The following FAM13A variants were observed in gnomAD, a reference collection of about 807,000 sequenced individuals.
The protein encoded by FAM13A is protein FAM13A.
A neutral mutation model predicts 129.6 loss-of-function variants in FAM13A; 76 were observed. The observed-to-expected ratio is 0.59, with a 90% CI of 0.49 to 0.71. The LOEUF is 0.71. Among genes scored for constraint, FAM13A ranks in the 30% least tolerant of loss-of-function variants. The pLI, the probability that FAM13A is intolerant of heterozygous loss-of-function variation, is 0.00. For synonymous variants in FAM13A, 443 were observed against 449.9 expected (o/e 0.98, Z 0.20); for missense variants, 1,108 against 1,249.3 (o/e 0.89, Z 1.70).
At chr4:88,973,019 A>C (rs1760345460) in intron 4 of FAM13A, among the ~76,000 whole-genome samples, 1 of 152,212 alleles carries the variant, frequency 6.6e-6, no homozygotes. Context: ...GTTTCAGAGA[A>C]GTCAGATGTA....
Position 88,731,442 on chromosome 4 carries a change from A to C in FAM13A, c.2844-14T>G. The C allele has an allele frequency of 6.9e-7, 1 of 1,445,454 alleles. No homozygotes were observed. Among genetic ancestry groups the C allele is most frequent in the Non-Finnish European group, 9.6e-7 (1 of 1,046,130 alleles). 89.5% of individuals were successfully genotyped at this position (1,445,454 alleles called of 1,614,324 possible). ...AGGAGTTCAGGTCTAAGAGAGAGGAAGCATTGCAAGGAAATTAAGTTAAAT... is the reference window on the plus strand; with the variant it reads ...AGGAGTTCAGGTCTAAGAGAGAGGACGCATTGCAAGGAAATTAAGTTAAAT... On this transcript the variant is annotated splice_polypyrimidine_tract_variant and intron_variant, in intron 22 of 23. Coordinates refer to ENST00000264344, the MANE Select transcript of FAM13A (RefSeq NM_014883.4).
chr4:88,921,172 C>A (rs1216024250), intron 5 of FAM13A, among the ~76,000 whole-genome samples: 12 of 151,890 alleles, frequency 7.9e-5, no homozygotes, highest in Admixed American at 2.0e-4. Flanking sequence ...CAAGGCAGGC[C>A]AACATTCAGA....
chr4:88,754,852 C>T (rs1337456670), intron 14 of FAM13A, among the ~76,000 whole-genome samples: 1 of 152,110 alleles, frequency 6.6e-6, no homozygotes, highest in African/African-American at 2.4e-5. Flanking sequence ...TTAATAGCTC[C>T]ATTTAAATCA....
Position 88,728,366 on chromosome 4 carries a change from T to C in FAM13A, c.*167A>G. 1 of 758,978 alleles carries C rather than the reference T, an allele frequency of 1.3e-6. No homozygotes were observed. Among genetic ancestry groups the C allele is most frequent in the Non-Finnish European group, 2.1e-6 (1 of 476,518 alleles). 47.0% of individuals were successfully genotyped at this position (758,978 alleles called of 1,614,324 possible). ...GGTCACATTGTCTTCTTCCAGCCAG[T>C]TTCTAAGGCAGGCAATGGAAACAGG... is the stretch of plus-strand genomic sequence containing the variant. On this transcript the variant is annotated 3_prime_UTR_variant, in exon 24 of 24. Transcript: ENST00000264344.
intron 4 of FAM13A, among the ~76,000 whole-genome samples, chr4:88,982,045 G>A (rs1297452441): frequency 1.3e-5 from 2 of 152,210 alleles, no homozygotes; most frequent in Non-Finnish European, 2.9e-5. Flanking sequence ...GCATTCCCAA[G>A]GCAGGAGAAA....
Position 88,823,092 on chromosome 4 carries a change from G to T in FAM13A, c.1008-18040C>A, listed in dbSNP as rs575322051. ...TGTACAGTGAACGTCTTCTTACAGTGGCTAAGCTGGGTTGGGGGCATGAGG... is the reference window on the plus strand; with the variant it reads ...TGTACAGTGAACGTCTTCTTACAGTTGCTAAGCTGGGTTGGGGGCATGAGG... On this transcript the variant is annotated intron_variant, in intron 7 of 23. Coordinates refer to ENST00000264344, the MANE Select transcript of FAM13A (RefSeq NM_014883.4). 1.5e-5 allele frequency: 24 copies of T among 1,589,634 alleles called. No individual in the cohort carries two copies. The Admixed American group carries it at 2.0e-4, about 13-fold the overall frequency.
intron 5 of FAM13A, among the ~76,000 whole-genome samples, chr4:88,922,676 G>T (rs1434997376): frequency 3.9e-5 from 6 of 152,120 alleles, no homozygotes; most frequent in Admixed American, 3.9e-4. Flanking sequence ...TCAAAAGCTA[G>T]CAGAAGGCAA....
chr4:88,827,091 T>TTACCACTTTTCCAA, intron 7 of FAM13A, among the ~76,000 whole-genome samples: 1 of 152,308 alleles, frequency 6.6e-6, no homozygotes, highest in African/African-American at 2.4e-5. Context: ...ACTTCGACCT[T>TTACCACTTTTCCAA]TACCACTTTT....
chr4:88,866,413 C>T (rs1443617913), intron 6 of FAM13A, among the ~76,000 whole-genome samples: 1 of 152,106 alleles, frequency 6.6e-6, no homozygotes, highest in African/African-American at 2.4e-5. Context: ...AACTCCTGAC[C>T]TCAAGTTCAG....
chr4:89,033,995 A>C (rs1014438866), intron 1 of FAM13A, among the ~76,000 whole-genome samples: 1 of 152,218 alleles, frequency 6.6e-6, no homozygotes, highest in Non-Finnish European at 1.5e-5. Context: ...AACCCTAGGA[A>C]ATATCCTTGC....
rs1483380003 is a variant in FAM13A, at chr4:88,732,192, C to T, written c.2653G>A (p.Glu885Lys). The change falls in exon 22 of 24, where the codon GAG (glutamate) becomes AAG (lysine). Residue 885 changes from glutamate (E) to lysine (K), a missense_variant. Glu to Lys is a moderately conservative substitution (Grantham distance 56). Around this residue, in one of 3 missense-constraint regions of FAM13A, gnomAD observed 529 missense variants for 621.2 expected, o/e 0.85. Transcript: ENST00000264344. ...ASFFKEIKEE[E>K]EGSEDDSNVK... ...TTGCTATCGTCTTCTGACCCCTCCT[C>T]TTCTTCCTGGAGATACACAGCAACC... 1.9e-6 allele frequency: 3 copies of T among 1,606,816 alleles called. No homozygotes were observed. Among genetic ancestry groups the T allele is most frequent in the Non-Finnish European group, 2.6e-6 (3 of 1,176,202 alleles).
chr4:89,043,103 A>G (rs1770369638), intron 1 of FAM13A, among the ~76,000 whole-genome samples: 1 of 152,230 alleles, frequency 6.6e-6, no homozygotes, highest in African/African-American at 2.4e-5. Context: ...GAGTCTAGAA[A>G]GGACCAGCAG....
intron 6 of FAM13A, among the ~76,000 whole-genome samples, chr4:88,901,440 T>TC (rs1747287162): frequency 6.6e-6 from 1 of 152,048 alleles, no homozygotes; most frequent in Admixed American, 6.6e-5. Context: ...CATAACAGTC[T>TC]TTCAGACCAC....
At chr4:88,816,230 T>C (rs1730692346) in intron 7 of FAM13A, among the ~76,000 whole-genome samples, 1 of 152,092 alleles carries the variant, frequency 6.6e-6, no homozygotes, top group South Asian at 2.1e-4. Context: ...AACTATTTCC[T>C]CTTTCTCAAG....
At chr4:88,828,448 C>G (rs1231743294) in intron 7 of FAM13A, among the ~76,000 whole-genome samples, 5 of 152,196 alleles carry the variant, frequency 3.3e-5, no homozygotes, top group Non-Finnish European at 1.5e-5. Flanking sequence ...AAAGAAATCT[C>G]TTGACCTTTT....
chr4:88,787,814 A>T lies in FAM13A; in HGVS notation c.1210T>A (p.Ser404Thr), dbSNP rs753777427. Residue 404 changes from serine to threonine, a missense_variant, in exon 10 of 24, where the codon TCT (serine) becomes ACT (threonine). Ser to Thr is a moderately conservative substitution (Grantham distance 58). Transcript: ENST00000264344. ...SGTLSASSAT[S>T]ARQRRRQSKE... The stretch of plus-strand genomic sequence containing the variant: ...GACTGGCGGCGGCGCTGTCTGGCAG[A>T]TGTGGCAGAAGATGCTGATAGTGTT... 1 of 1,613,686 alleles carries T rather than the reference A, an allele frequency of 6.2e-7. No homozygotes were observed. Among genetic ancestry groups the T allele is most frequent in the Admixed American group, 1.7e-5 (1 of 59,990 alleles).
At chr4:88,945,821 T>G (rs926027807) in intron 4 of FAM13A, among the ~76,000 whole-genome samples, 6 of 142,846 alleles carry the variant, frequency 4.2e-5, no homozygotes, top group Non-Finnish European at 7.5e-5. Flanking sequence ...TATATATATA[T>G]ATACTACATA....
chr4:88,739,954 C>A (rs1739881142), intron 19 of FAM13A, among the ~76,000 whole-genome samples: 1 of 152,046 alleles, frequency 6.6e-6, no homozygotes, highest in Non-Finnish European at 1.5e-5. Context: ...AAATCTGGCA[C>A]AGGGCTAAAA....
chr4:89,000,678 G>C (rs946122769), intron 3 of FAM13A, among the ~76,000 whole-genome samples: 21 of 152,166 alleles, frequency 1.4e-4, no homozygotes, highest in African/African-American at 4.3e-4. Flanking sequence ...TTTATGGTGG[G>C]TAATTTATAT....
Sources: gnomAD v4.1 joint callset for allele counts (sites outside exome capture counted in the v4.1 genomes callset) on GRCh38, gnomAD v4.1.1 for gene constraint, gnomAD v4.1.1 regional missense constraint, MANE v1.5 for transcripts, NCBI Gene and HGNC (gene_info 2026-07-23, HGNC 2026-07-21) for gene names.